Variants in CACNA1A observed in about 807,000 individuals in gnomAD.
CACNA1A encodes voltage-dependent P/Q-type calcium channel subunit alpha-1A.
Under a neutral mutation model 262.4 loss-of-function variants are expected in CACNA1A, and 57 were observed. That is an observed-to-expected ratio of 0.22 (90% CI 0.18 to 0.27). The LOEUF is 0.27. CACNA1A is among the 10% of genes least tolerant of loss of function. CACNA1A has a pLI of 1.00. For missense variants in CACNA1A, 2,526 were observed against 3,562.8 expected, an observed-to-expected ratio of 0.71 and a Z score of 7.41; for synonymous variants, 1,431 against 1,419.3, an observed-to-expected ratio of 1.01 and a Z score of -0.18.
chr19:13,298,981 C>G lies in CACNA1A; in HGVS notation c.2652G>C (p.Ala884=). 1 of 1,582,420 alleles carries G rather than the reference C, an allele frequency of 6.3e-7. No individual in the cohort carries two copies. The highest frequency in any genetic ancestry group is 8.5e-7 in the Non-Finnish European group (1 of 1,171,812). Residue 884 remains alanine (A), a synonymous_variant, in exon 19 of 47, where the codon GCG becomes GCC. Transcript: ENST00000360228. ...GGCTCAGCTCGGCCTCCTGGCTTCC[C>G]GCCCAGGGCCTCCGTGCGTCCAGGC... ...SAGLDARRPW[A]GSQEAELSRE... is the part of the protein sequence containing the mutation.
intron 19 of CACNA1A, among the ~76,000 whole-genome samples, chr19:13,293,446 T>TC (rs2144923350): frequency 7.4e-6 from 1 of 135,460 alleles, no homozygotes; most frequent in East Asian, 2.2e-4. Context: ...AATCTTTTTT[T>TC]TTTTTTTTTT....
chr19:13,283,875 T>C (rs2057345056), intron 21 of CACNA1A: 1 of 152,570 alleles, frequency 6.6e-6, no homozygotes, highest in African/African-American at 2.4e-5. Context: ...ATAGCCGTAA[T>C]ACTAGTGCTT....
At chr19:13,209,623 CAGGGG>C in intron 44 of CACNA1A, 125 bp from the exon 45 acceptor site, 1 of 626,762 alleles carries the variant, frequency 1.6e-6, no homozygotes, top group Non-Finnish European at 2.3e-6. Context: ...CATCCTGGGG[CAGGGG>C]CCAGGGGATG....
At position 13,212,488 on chromosome 19, in the gene CACNA1A, A is replaced by G. The variant is rs1467965768; in HGVS notation, c.6085T>C (p.Ser2029Pro). The change falls in exon 42 of 47, where the codon TCC becomes CCC. Residue 2029 changes from serine (S) to proline (P), a missense_variant. Coordinates refer to ENST00000360228, the MANE Select transcript of CACNA1A (RefSeq NM_001127222.2). The surrounding 1 kb of genome is among the most constrained non-coding windows in gnomAD (Gnocchi z 5.6). ...AHESGLKESPSWVTQRAQEMF... is the reference protein window; with the variant it reads ...AHESGLKESPPWVTQRAQEMF... The stretch of plus-strand genomic sequence containing the variant: ...TCCTGGGCACGCTGGGTCACCCAGG[A>G]CGGGCTCTCCTTGAGGCCGCTTTCG... 2 of 1,590,814 alleles carry G rather than the reference A, an allele frequency of 1.3e-6. No individual in the cohort carries two copies. The highest frequency in any genetic ancestry group is 1.1e-5 in the South Asian group (1 of 88,034).
chr19:13,299,208 G>A lies in CACNA1A; in HGVS notation c.2425C>T (p.Arg809Trp). The change falls in exon 19 of 47, where the codon CGG becomes TGG. Residue 809 changes from arginine (R) to tryptophan (W), a missense_variant. Around this residue, in one of 17 missense-constraint regions of CACNA1A, gnomAD observed 765 missense variants for 748.6 expected, o/e 1.02. Coordinates refer to ENST00000360228, the MANE Select transcript of CACNA1A (RefSeq NM_001127222.2). ...GTCTTCATGTCTGGCCGCAGGTGCCGCGTGTAGGCAGCCTTCCAGCGCTCG... is the reference window on the plus strand; with the variant it reads ...GTCTTCATGTCTGGCCGCAGGTGCCACGTGTAGGCAGCCTTCCAGCGCTCG... ...PDERWKAAYTRHLRPDMKTHL... is the reference protein window; with the variant it reads ...PDERWKAAYTWHLRPDMKTHL... 6.2e-7 allele frequency: 1 copy of A among 1,612,018 alleles called. No individual in the cohort carries two copies. The highest frequency in any genetic ancestry group is 8.5e-7 in the Non-Finnish European group (1 of 1,179,886).
chr19:13,292,852 T>TA (rs148957876), intron 19 of CACNA1A, among the ~76,000 whole-genome samples: 7,038 of 152,276 alleles, frequency 0.046, 238 homozygotes, highest in South Asian at 0.11. Flanking sequence ...TTTTTTCTCT[T>TA]AAAGTGCATG....
At chr19:13,505,053 G>A (rs1982855654) in intron 1 of CACNA1A, among the ~76,000 whole-genome samples, 1 of 152,096 alleles carries the variant, frequency 6.6e-6, no homozygotes, top group Non-Finnish European at 1.5e-5. Context: ...GGCTACTCGG[G>A]GTAGGAAAAG....
chr19:13,326,074 C>T (rs930797856), intron 10 of CACNA1A, among the ~76,000 whole-genome samples: 3 of 151,894 alleles, frequency 2.0e-5, no homozygotes, highest in African/African-American at 7.3e-5. Flanking sequence ...CCAGCACTTT[C>T]GGAGGCTGAG....
At chr19:13,499,971 G>C (rs1982178261) in intron 1 of CACNA1A, among the ~76,000 whole-genome samples, 2 of 151,972 alleles carry the variant, frequency 1.3e-5, no homozygotes, top group African/African-American at 4.8e-5. Context: ...ACAGGGAGGG[G>C]GAAGCATAAG....
At position 13,466,661 on chromosome 19, in the gene CACNA1A, A is replaced by ACTG. The variant is rs199568697; in HGVS notation, c.294-11452_294-11450dup. Among the ~76,000 whole-genome samples, 982 of 122,648 alleles carry ACTG rather than the reference A, an allele frequency of 8.0e-3. 10 individuals carry two copies. The highest frequency in any genetic ancestry group is 0.035 in the African/African-American group (900 of 26,060). 80.5% of individuals were successfully genotyped at this position (122,648 alleles called of 152,430 possible). On this transcript the variant is annotated intron_variant, in intron 1 of 46. Coordinates refer to ENST00000360228, the MANE Select transcript of CACNA1A (RefSeq NM_001127222.2). The stretch of plus-strand genomic sequence containing the variant: ...CATCCGAGACTCTGTCTTTTAAAAT[A>ACTG]CTGCTGCTGCTGCTGCTACTTTCTT...
At chr19:13,478,532 G>T (rs1161994632) in intron 1 of CACNA1A, among the ~76,000 whole-genome samples, 1 of 152,112 alleles carries the variant, frequency 6.6e-6, no homozygotes, top group Non-Finnish European at 1.5e-5. Context: ...ACCCAGGCTG[G>T]TTTTGAACTC....
intron 11 of CACNA1A, among the ~76,000 whole-genome samples, chr19:13,313,018 T>C (rs1401417470): frequency 2.0e-5 from 3 of 152,122 alleles, no homozygotes; most frequent in African/African-American, 7.2e-5. Flanking sequence ...CTGACTTATC[T>C]TTTTTCTTTT....
At chr19:13,388,229 A>G (rs1332143860) in intron 3 of CACNA1A, among the ~76,000 whole-genome samples, 1 of 146,202 alleles carries the variant, frequency 6.8e-6, no homozygotes, top group Non-Finnish European at 1.5e-5. Context: ...TCTTGAAAAA[A>G]CGATTTCTTC....
chr19:13,402,076 C>G (rs2059908319), intron 3 of CACNA1A, among the ~76,000 whole-genome samples: 1 of 152,218 alleles, frequency 6.6e-6, no homozygotes, highest in Non-Finnish European at 1.5e-5. Context: ...ACTAACACAG[C>G]CTCTTCTTCC....
chr19:13,449,688 T>C, intron 3 of CACNA1A, among the ~76,000 whole-genome samples: 1 of 152,110 alleles, frequency 6.6e-6, no homozygotes, highest in East Asian at 1.9e-4. Flanking sequence ...TATTTTGAAG[T>C]GTAAAAATAG....
intron 3 of CACNA1A, among the ~76,000 whole-genome samples, chr19:13,404,885 ATATTAT>A (rs917162408): frequency 6.6e-6 from 1 of 152,012 alleles, no homozygotes; most frequent in African/African-American, 2.4e-5. Context: ...GATAAAAATG[ATATTAT>A]TATTATTACT....
chr19:13,324,788 C>T (rs754830601), intron 10 of CACNA1A, among the ~76,000 whole-genome samples: 1 of 152,032 alleles, frequency 6.6e-6, no homozygotes, highest in Non-Finnish European at 1.5e-5. Context: ...CTGGGAGGAT[C>T]GCCTGAGCCC....
intron 11 of CACNA1A, chr19:13,316,793 T>C: frequency 3.9e-6 from 1 of 255,052 alleles, no homozygotes; most frequent in Non-Finnish European, 7.5e-6. Flanking sequence ...CTGTCTATCT[T>C]ATGAGCTCCG....
chr19:13,384,107 T>C (rs566423240), intron 3 of CACNA1A, among the ~76,000 whole-genome samples: 1 of 152,214 alleles, frequency 6.6e-6, no homozygotes, highest in Non-Finnish European at 1.5e-5. Context: ...TGAGCCACCA[T>C]GCCTGGCCGT....
Sources: allele counts gnomAD v4.1 joint callset (sites outside exome capture counted in the v4.1 genomes callset), GRCh38; gene constraint gnomAD v4.1.1; regional missense constraint gnomAD v4.1.1; non-coding constraint Gnocchi (gnomAD v3.1); transcripts MANE v1.5; gene names NCBI Gene and HGNC (gene_info 2026-07-23, HGNC 2026-07-21).